Variants in HYCC1 observed in about 807,000 individuals in gnomAD.
HYCC1 encodes hyccin PI4KA lipid kinase complex subunit 1.
the HYCC1 span, among the ~76,000 whole-genome samples, chr7:22,993,711 C>T: frequency 6.6e-6 from 1 of 152,010 alleles, no homozygotes; most frequent in Non-Finnish European, 1.5e-5. Context: ...CACACATACA[C>T]ACACACACGT....
chr7:22,968,414 A>G, the HYCC1 span, among the ~76,000 whole-genome samples: 1 of 152,240 alleles, frequency 6.6e-6, no homozygotes, highest in East Asian at 1.9e-4. Flanking sequence ...CCCAGACAGA[A>G]GCAACTTGAA....
At chr7:22,968,858 T>C in the HYCC1 span, among the ~76,000 whole-genome samples, 12 of 152,206 alleles carry the variant, frequency 7.9e-5, no homozygotes, top group Non-Finnish European at 1.8e-4. Context: ...TGGTGCCATG[T>C]GCCTGTAATC....
chr7:22,956,915 G>C, the HYCC1 span, among the ~76,000 whole-genome samples: 1 of 151,842 alleles, frequency 6.6e-6, no homozygotes, highest in Admixed American at 6.6e-5. Context: ...GAAATGTTAA[G>C]AATAAAGTAA....
At chr7:22,906,648 A>G in the HYCC1 span, among the ~76,000 whole-genome samples, 1 of 152,084 alleles carries the variant, frequency 6.6e-6, no homozygotes, top group Admixed American at 6.5e-5. Flanking sequence ...ATACTAGTAT[A>G]AAATATTAAA....
the HYCC1 span, chr7:22,947,265 A>G: frequency 3.9e-6 from 6 of 1,543,870 alleles, no homozygotes; most frequent in Non-Finnish European, 5.3e-6. Context: ...TGAAGATGAT[A>G]AGACAAAATG....
chr7:22,970,033 A>G, the HYCC1 span, among the ~76,000 whole-genome samples: 1 of 143,508 alleles, frequency 7.0e-6, no homozygotes, highest in South Asian at 2.2e-4. Flanking sequence ...AAAAATTTGC[A>G]TGGCTCTAGG....
At chr7:22,945,507 T>C in the HYCC1 span, 2 of 1,033,288 alleles carry the variant, frequency 1.9e-6, no homozygotes, top group South Asian at 2.5e-5. Flanking sequence ...GGAATACGGA[T>C]GAAAGACCCA....
chr7:22,978,107 T>C, the HYCC1 span: 9 of 668,196 alleles, frequency 1.3e-5, no homozygotes, highest in Non-Finnish European at 2.3e-5. Flanking sequence ...TGTACGCTTG[T>C]ATGTCTCCCA....
the HYCC1 span, among the ~76,000 whole-genome samples, chr7:23,007,687 A>C: frequency 6.6e-6 from 1 of 152,172 alleles, no homozygotes; most frequent in Non-Finnish European, 1.5e-5. Context: ...GGAATACTAA[A>C]GATCAATCTC....
chr7:22,977,001 A>G, the HYCC1 span, among the ~76,000 whole-genome samples: 25 of 152,210 alleles, frequency 1.6e-4, no homozygotes, highest in Admixed American at 1.5e-3. Flanking sequence ...AGAAATAAAA[A>G]TTAGTTTAAT....
the HYCC1 span, among the ~76,000 whole-genome samples, chr7:22,929,861 T>C: frequency 6.6e-6 from 1 of 152,186 alleles, no homozygotes; most frequent in East Asian, 1.9e-4. Flanking sequence ...CAAAGGATTA[T>C]AAATCATGCT....
At chr7:22,978,220 A>G in the HYCC1 span, 9 of 1,528,212 alleles carry the variant, frequency 5.9e-6, no homozygotes, top group Non-Finnish European at 8.2e-6. Context: ...CACAGGTTAT[A>G]TATTTGATTT....
the HYCC1 span, among the ~76,000 whole-genome samples, chr7:22,898,283 G>C: frequency 6.6e-6 from 1 of 151,728 alleles, no homozygotes; most frequent in Non-Finnish European, 1.5e-5. Flanking sequence ...GCGCGATCTC[G>C]GCTCACTGGA....
chr7:22,938,033 TCA>T, the HYCC1 span: 1 of 152,272 alleles, frequency 6.6e-6, no homozygotes, highest in South Asian at 2.1e-4. Context: ...ACTGAATCCA[TCA>T]GTGTCAATAC....
At chr7:22,909,345 G>A in the HYCC1 span, among the ~76,000 whole-genome samples, 1 of 152,108 alleles carries the variant, frequency 6.6e-6, no homozygotes, top group Non-Finnish European at 1.5e-5. Flanking sequence ...CACCATGACT[G>A]GAAGCTTCCT....
chr7:22,898,837 G>C, the HYCC1 span, among the ~76,000 whole-genome samples: 1 of 151,498 alleles, frequency 6.6e-6, no homozygotes, highest in Non-Finnish European at 1.5e-5. Context: ...TCCTGACCTT[G>C]TGATCTGCCC....
the HYCC1 span, among the ~76,000 whole-genome samples, chr7:22,951,956 C>T: frequency 6.6e-6 from 1 of 151,962 alleles, no homozygotes; most frequent in African/African-American, 2.4e-5. Flanking sequence ...ATCTAGTTTA[C>T]TATCATGTTG....
the HYCC1 span, among the ~76,000 whole-genome samples, chr7:22,950,764 T>G: frequency 3.3e-5 from 5 of 152,050 alleles, no homozygotes; most frequent in East Asian, 9.7e-4. Context: ...GAGTAGAACT[T>G]AATCCTTTCT....
At chr7:22,912,025 A>G in the HYCC1 span, among the ~76,000 whole-genome samples, 1 of 152,202 alleles carries the variant, frequency 6.6e-6, no homozygotes, top group South Asian at 2.1e-4. Context: ...ACCAATGTTT[A>G]TGGTCATTTG....
Sources: gnomAD v4.1 joint callset for allele counts (sites outside exome capture counted in the v4.1 genomes callset) on GRCh38, gnomAD v4.1.1 for gene constraint, MANE v1.5 for transcripts, NCBI Gene and HGNC (gene_info 2026-07-23, HGNC 2026-07-21) for gene names.